Variants in ADGRB3 observed in about 807,000 individuals in gnomAD.
ADGRB3 encodes the protein adhesion G protein-coupled receptor B3.
Under a neutral mutation model 193.4 loss-of-function variants are expected in ADGRB3, and 37 were observed. The observed-to-expected ratio is 0.19, with a 90% CI of 0.15 to 0.25. ADGRB3 has a LOEUF of 0.25. ADGRB3 is among the 10% of genes least tolerant of loss of function. ADGRB3 has a pLI of 1.00. For missense variants in ADGRB3, 1,637 were observed against 1,852.9 expected, an observed-to-expected ratio of 0.88 and a Z score of 2.14; for synonymous variants, 690 against 644.2, an observed-to-expected ratio of 1.07 and a Z score of -1.08.
chr6:69,058,629 G>A (rs1005156456), intron 15 of ADGRB3, among the ~76,000 whole-genome samples: 2 of 151,908 alleles, frequency 1.3e-5, no homozygotes, highest in Non-Finnish European at 2.9e-5. Context: ...CATATGTTAT[G>A]TGGTATGTTG....
chr6:69,370,948 C>T (rs1422177757), intron 29 of ADGRB3, among the ~76,000 whole-genome samples: 2 of 152,048 alleles, frequency 1.3e-5, no homozygotes, highest in African/African-American at 4.8e-5. Context: ...AGTTAGATAA[C>T]AATAGTGGCG....
intron 20 of ADGRB3, among the ~76,000 whole-genome samples, chr6:69,305,758 TTCTCTTAC>T (rs1278006702): frequency 1.3e-5 from 2 of 151,440 alleles, no homozygotes; most frequent in Non-Finnish European, 2.9e-5. Context: ...CCACAGAGCC[TTCTCTTAC>T]TGTTTAAGCC....
intron 20 of ADGRB3, among the ~76,000 whole-genome samples, chr6:69,263,384 T>G (rs1766970433): frequency 1.3e-5 from 2 of 151,984 alleles, no homozygotes; most frequent in African/African-American, 4.8e-5. Context: ...TAAGAAGAGA[T>G]ATTTTCGCAT....
intron 20 of ADGRB3, among the ~76,000 whole-genome samples, chr6:69,280,304 C>T (rs912639039): frequency 6.6e-6 from 1 of 152,116 alleles, no homozygotes; most frequent in African/African-American, 2.4e-5. Context: ...AACTGACCTG[C>T]GTCCCATTTG....
intron 3 of ADGRB3, among the ~76,000 whole-genome samples, chr6:68,656,633 A>C (rs1361444947): frequency 1.3e-5 from 2 of 151,490 alleles, no homozygotes; most frequent in African/African-American, 4.8e-5. Context: ...AAATTGTTGG[A>C]TAGATTTGCT....
chr6:69,158,918 C>A (rs1021706058), intron 17 of ADGRB3, among the ~76,000 whole-genome samples: 1 of 151,988 alleles, frequency 6.6e-6, no homozygotes, highest in Non-Finnish European at 1.5e-5. Flanking sequence ...CAGAATCAAG[C>A]TCCTAGTTCT....
rs146536913 is a variant in ADGRB3, at chr6:68,815,638, T to TGTGGGTGG, written c.758-114918_758-114917insGGTGGGTG. ...GTGTGTGTGTGTGTGTGTGTGTGTG[T>TGTGGGTGG]GTGCATGTAGATCTCATTTGATGTA... On this transcript the variant is annotated intron_variant, in intron 3 of 31. Coordinates refer to ENST00000370598, the MANE Select transcript of ADGRB3 (RefSeq NM_001704.3). 2.8e-3 allele frequency among the ~76,000 whole-genome samples: 424 copies of TGTGGGTGG among 149,514 alleles called. 5 individuals carry two copies. In the East Asian group the frequency reaches 0.036, roughly 13 times the overall value.
At chr6:68,809,448 T>C (rs1029906581) in intron 3 of ADGRB3, among the ~76,000 whole-genome samples, 28 of 152,236 alleles carry the variant, frequency 1.8e-4, no homozygotes, top group African/African-American at 6.5e-4. Context: ...ATATTGCAAG[T>C]ACAATCTAAA....
intron 13 of ADGRB3, among the ~76,000 whole-genome samples, chr6:69,026,533 G>T (rs1387541576): frequency 6.6e-6 from 1 of 152,124 alleles, no homozygotes; most frequent in East Asian, 1.9e-4. Flanking sequence ...GAAGCTAAAA[G>T]GTATTTGTCT....
intron 20 of ADGRB3, among the ~76,000 whole-genome samples, chr6:69,318,312 A>G (rs1054428135): frequency 4.0e-5 from 6 of 151,408 alleles, no homozygotes; most frequent in Non-Finnish European, 1.5e-5. Context: ...AATTATATCA[A>G]ATGCTTTCAC....
intron 11 of ADGRB3, among the ~76,000 whole-genome samples, chr6:68,997,435 G>A (rs558874627): frequency 7.0e-6 from 1 of 142,444 alleles, no homozygotes; most frequent in African/African-American, 2.7e-5. Context: ...TTGAGGTCAG[G>A]AGTTTGAGAC....
intron 26 of ADGRB3, among the ~76,000 whole-genome samples, chr6:69,348,540 G>A (rs935566097): frequency 3.6e-4 from 54 of 150,846 alleles, no homozygotes; most frequent in African/African-American, 1.2e-3. Flanking sequence ...GCAGGCGCCT[G>A]TAGTCCCAGC....
chr6:69,336,403 T>C (rs1231944090), intron 24 of ADGRB3, among the ~76,000 whole-genome samples: 1 of 141,846 alleles, frequency 7.0e-6, no homozygotes, highest in Non-Finnish European at 1.5e-5. Flanking sequence ...TTTACAAATT[T>C]CATGTGATTT....
At chr6:68,861,735 T>C (rs1359005538) in intron 3 of ADGRB3, among the ~76,000 whole-genome samples, 2 of 152,184 alleles carry the variant, frequency 1.3e-5, no homozygotes, top group East Asian at 3.9e-4. Context: ...TGACCATTAG[T>C]CTAACATAAT....
intron 20 of ADGRB3, among the ~76,000 whole-genome samples, chr6:69,283,993 T>C (rs1180574718): frequency 6.6e-6 from 1 of 152,184 alleles, no homozygotes; most frequent in Non-Finnish European, 1.5e-5. Flanking sequence ...CCGTGACTCA[T>C]GGGCTGCTAG....
chr6:68,884,129 A>G (rs1316694257), intron 3 of ADGRB3, among the ~76,000 whole-genome samples: 1 of 152,168 alleles, frequency 6.6e-6, no homozygotes, highest in Non-Finnish European at 1.5e-5. Context: ...ATGATTTCCA[A>G]GGTTCATTTA....
chr6:69,385,599 A>T (rs1770053855), intron 31 of ADGRB3, among the ~76,000 whole-genome samples: 1 of 152,124 alleles, frequency 6.6e-6, no homozygotes, highest in African/African-American at 2.4e-5. Flanking sequence ...CCTTTAACAA[A>T]TATGCATCTG....
intron 20 of ADGRB3, among the ~76,000 whole-genome samples, chr6:69,254,813 C>T (rs193026395): frequency 1.5e-4 from 22 of 150,092 alleles, no homozygotes; most frequent in Middle Eastern, 3.5e-3. Flanking sequence ...CCCACTAACT[C>T]GTCATCTAGC....
chr6:69,273,275 G>A (rs1223038227), intron 20 of ADGRB3, among the ~76,000 whole-genome samples: 2 of 152,148 alleles, frequency 1.3e-5, no homozygotes, highest in African/African-American at 4.8e-5. Context: ...TCTGCTAGCG[G>A]AAGTTTACTG....
Sources: allele counts gnomAD v4.1 joint callset (sites outside exome capture counted in the v4.1 genomes callset), GRCh38; gene constraint gnomAD v4.1.1; transcripts MANE v1.5; gene names NCBI Gene and HGNC (gene_info 2026-07-23, HGNC 2026-07-21).